EIF5B: variants seen among roughly 807,000 people sequenced by gnomAD.
EIF5B encodes the protein eIF-5B.
EIF5B carries 47 observed loss-of-function variants against 147.5 expected under a neutral mutation model. The observed-to-expected ratio is 0.32, with a 90% confidence interval of 0.25 to 0.41. The LOEUF is 0.41. Ranked by LOEUF, EIF5B falls within the 10% of genes least tolerant of loss-of-function variation. EIF5B has a pLI of 1.00. For missense variants in EIF5B, 1,064 were observed against 1,413.2 expected, an observed-to-expected ratio of 0.75 and a Z score of 3.96; for synonymous variants, 455 against 456.2, an observed-to-expected ratio of 1.00 and a Z score of 0.03.
At chr2:99,380,077 T>C (rs1203469507) in intron 12 of EIF5B, among the ~76,000 whole-genome samples, 1 of 152,240 alleles carries the variant, frequency 6.6e-6, no homozygotes, top group African/African-American at 2.4e-5. Context: ...ATTGGATTAC[T>C]TCTATAGAGA....
In EIF5B at chr2:99,386,312, A is replaced by G. The variant is rs377510113; in HGVS notation, c.2271+3391A>G. On this transcript the variant is annotated intron_variant, in intron 14 of 23. Transcript: ENST00000289371. ...TCTGTTTCTTTGAAAAATATGTTCA[A>G]AATCCTTTGTTCTTTATTAGATTGT... 3.7e-4 allele frequency among the ~76,000 whole-genome samples: 56 copies of G among 152,326 alleles called. 3 individuals are homozygous for G. The highest frequency in any genetic ancestry group is 3.3e-3 in the East Asian group (17 of 5,188).
chr2:99,368,423 C>G, intron 6 of EIF5B, 70 bp from the exon 7 acceptor site: 1 of 1,120,470 alleles, frequency 8.9e-7, no homozygotes, highest in South Asian at 1.3e-5. Context: ...GAAATGCTAT[C>G]CTTTAAATAG....
Position 99,390,687 on chromosome 2 carries a change from G to T in EIF5B, c.2730G>T (p.Met910Ile). ...QIRGLLLPPP[M>I]KELRVKNQYE... is the part of the protein sequence containing the mutation. ...GAGGCCTCCTGTTACCTCCTCCTATGAAGGAATTACGAGTGAAGGTATGCT... is the reference window on the plus strand; with the variant it reads ...GAGGCCTCCTGTTACCTCCTCCTATTAAGGAATTACGAGTGAAGGTATGCT... The change falls in exon 17 of 24, where the codon ATG becomes ATT. Residue 910 changes from methionine (M) to isoleucine (I), a missense_variant. Met to Ile is a conservative substitution (Grantham distance 10). Coordinates refer to ENST00000289371, the MANE Select transcript of EIF5B (RefSeq NM_015904.4). 1 of 1,604,428 alleles carries T rather than the reference G, an allele frequency of 6.2e-7. No individual in the cohort carries two copies. The highest frequency in any genetic ancestry group is 8.5e-7 in the Non-Finnish European group (1 of 1,171,904).
intron 1 of EIF5B, among the ~76,000 whole-genome samples, chr2:99,341,761 A>G (rs2094260067): frequency 6.6e-6 from 1 of 152,238 alleles, no homozygotes; most frequent in African/African-American, 2.4e-5. Context: ...AACTTACACT[A>G]TGATACATAA....
At chr2:99,397,800 T>C (rs1412724118) in intron 22 of EIF5B, 1 of 152,214 alleles carries the variant, frequency 6.6e-6, no homozygotes, top group Non-Finnish European at 1.5e-5. Context: ...GTGCCTTTAG[T>C]ACCCACTGGC....
intron 1 of EIF5B, among the ~76,000 whole-genome samples, chr2:99,338,963 T>TAAATATATATACAC (rs1158935010): frequency 6.1e-5 from 5 of 81,656 alleles, no homozygotes; most frequent in Non-Finnish European, 1.5e-4. Context: ...CACATATATA[T>TAAATATATATACAC]AAATATATAT....
At chr2:99,369,289 A>T in intron 7 of EIF5B, 103 bp from the exon 8 acceptor site, 1 of 801,408 alleles carries the variant, frequency 1.2e-6, no homozygotes, top group Non-Finnish European at 1.8e-6. Flanking sequence ...AATAAAAAAT[A>T]AATAGGTTTA....
chr2:99,391,296 G>T (rs1007064763), intron 17 of EIF5B, among the ~76,000 whole-genome samples: 3 of 152,180 alleles, frequency 2.0e-5, no homozygotes, highest in Non-Finnish European at 4.4e-5. Context: ...AAGGAGAGGG[G>T]TAGGCCTTGC....
chr2:99,389,186 G>A (rs2104243901), intron 14 of EIF5B, among the ~76,000 whole-genome samples: 1 of 152,170 alleles, frequency 6.6e-6, no homozygotes, highest in South Asian at 2.1e-4. Context: ...TGTTTGTTTG[G>A]CTAGCAAGTA....
intron 9 of EIF5B, among the ~76,000 whole-genome samples, chr2:99,375,754 C>T (rs191365889): frequency 1.4e-4 from 21 of 152,112 alleles, no homozygotes; most frequent in Non-Finnish European, 2.5e-4. Context: ...AAACACCTTG[C>T]GTTTATGATG....
intron 14 of EIF5B, among the ~76,000 whole-genome samples, chr2:99,385,996 G>A (rs1202427996): frequency 6.6e-6 from 1 of 152,076 alleles, no homozygotes; most frequent in Non-Finnish European, 1.5e-5. Context: ...TTTAAGTTTG[G>A]CATTTTTTGT....
At chr2:99,368,675 G>A (rs1674377304) in intron 7 of EIF5B, 84 bp downstream of exon 7, 2 of 1,108,626 alleles carry the variant, frequency 1.8e-6, no homozygotes, top group Middle Eastern at 2.9e-4. Flanking sequence ...CTGTAAAGAA[G>A]AAAGGAAAAA....
intron 1 of EIF5B, among the ~76,000 whole-genome samples, chr2:99,345,210 A>G (rs2094269807): frequency 6.6e-6 from 1 of 152,176 alleles, no homozygotes; most frequent in Non-Finnish European, 1.5e-5. Context: ...CTGTGTTGAA[A>G]CTGGTTAGCC....
chr2:99,394,331 A>G lies in EIF5B; in HGVS notation c.2945A>G (p.Tyr982Cys), dbSNP rs773249777. The change falls in exon 19 of 24, where the codon TAT (tyrosine) becomes TGT (cysteine). Residue 982 changes from tyrosine to cysteine, a missense_variant. Transcript: ENST00000289371. The part of the protein sequence containing the change: ...NAIKLEEKGV[Y>C]VQASTLGSLE... ...ATCAAATTAGAAGAAAAAGGAGTCTATGTCCAGGCATCTACACTGGGTTCT... is the reference window on the plus strand; with the variant it reads ...ATCAAATTAGAAGAAAAAGGAGTCTGTGTCCAGGCATCTACACTGGGTTCT... 7 of 1,613,388 alleles carry G rather than the reference A, an allele frequency of 4.3e-6. No homozygotes were observed. The highest frequency in any genetic ancestry group is 2.2e-5 in the East Asian group (1 of 44,866).
At chr2:99,398,581 G>T in intron 22 of EIF5B, 167 bp from the exon 23 acceptor site, 1 of 638,932 alleles carries the variant, frequency 1.6e-6, no homozygotes. Context: ...TGTTGGTGGT[G>T]CCAGCCTAGT....
intron 14 of EIF5B, among the ~76,000 whole-genome samples, chr2:99,389,329 T>C (rs1213679476): frequency 2.0e-5 from 3 of 152,164 alleles, no homozygotes; most frequent in Admixed American, 2.0e-4. Flanking sequence ...CCTTAGAAAA[T>C]ATATATTTTT....
chr2:99,393,719 G>C (rs913588632), intron 18 of EIF5B, among the ~76,000 whole-genome samples: 5 of 152,138 alleles, frequency 3.3e-5, no homozygotes, highest in African/African-American at 1.2e-4. Context: ...GAGAGAATAG[G>C]GCAGGCCTGT....
In EIF5B at chr2:99,345,927, G is replaced by GA. The variant is rs1054375883; in HGVS notation, c.35+8339dup. ...CCACTGCACTTCAGCCTGGGTGACAGAGCTAGACCCTGTCTCAAAAAAAAA... is the reference window on the plus strand; with the variant it reads ...CCACTGCACTTCAGCCTGGGTGACAGAAGCTAGACCCTGTCTCAAAAAAAAA... On this transcript the variant is annotated intron_variant, in intron 1 of 23. Transcript: ENST00000289371. Among the ~76,000 whole-genome samples the GA allele has an allele frequency of 1.0e-4, 14 of 138,662 alleles. No homozygotes were observed. In the Admixed American group the frequency reaches 1.1e-3, roughly 11 times the overall value. 91.0% of individuals were successfully genotyped at this position (138,662 alleles called of 152,430 possible).
chr2:99,338,922 G>GTGTGTA (rs10644172), intron 1 of EIF5B, among the ~76,000 whole-genome samples: 2 of 142,308 alleles, frequency 1.4e-5, no homozygotes, highest in African/African-American at 2.6e-5. Flanking sequence ...AGAAGTGTGT[G>GTGTGTA]TATATATATA....
Sources: gnomAD v4.1 joint callset for allele counts (sites outside exome capture counted in the v4.1 genomes callset) on GRCh38, gnomAD v4.1.1 for gene constraint, MANE v1.5 for transcripts, NCBI Gene and HGNC (gene_info 2026-07-23, HGNC 2026-07-21) for gene names.